TBC1D8B: variants seen among roughly 807,000 people sequenced by gnomAD.
TBC1D8B encodes RP11-321G1.1.
A neutral mutation model predicts 82.9 loss-of-function variants in TBC1D8B; 75 were observed. That is an observed-to-expected ratio of 0.90 (90% CI 0.75 to 1.10). The LOEUF is 1.10. Ranked by LOEUF, TBC1D8B falls within the 50% of genes least tolerant of loss-of-function variation. The pLI is 0.00. For missense variants in TBC1D8B, 794 were observed against 796.9 expected, an observed-to-expected ratio of 1.00 and a Z score of 0.04; for synonymous variants, 276 against 276.8, an observed-to-expected ratio of 1.00 and a Z score of 0.03.
intron 1 of TBC1D8B, among the ~76,000 whole-genome samples, chrX:106,806,194 C>T (rs902876060): frequency 8.9e-6 from 1 of 112,115 alleles, no homozygotes; most frequent in African/African-American, 3.2e-5. Context: ...ATTGTTGAAA[C>T]ACTTCTAGTG....
chrX:106,817,416 G>A (rs865881970), intron 1 of TBC1D8B, among the ~76,000 whole-genome samples: 7 of 111,274 alleles, frequency 6.3e-5, no homozygotes, highest in South Asian at 3.8e-4. Context: ...TCCAAAATCC[G>A]AAACATTGAT....
intron 10 of TBC1D8B, among the ~76,000 whole-genome samples, chrX:106,847,060 C>T (rs917463187): frequency 8.9e-6 from 1 of 111,738 alleles, no homozygotes; most frequent in African/African-American, 3.2e-5. Context: ...AATATGAAGT[C>T]TTTTAAAAAT....
intron 10 of TBC1D8B, among the ~76,000 whole-genome samples, chrX:106,847,936 G>A (rs910508123): frequency 2.7e-5 from 3 of 111,583 alleles, no homozygotes; most frequent in Non-Finnish European, 5.7e-5. Context: ...TGCTTATTAT[G>A]TTCTGTATTT....
intron 7 of TBC1D8B, among the ~76,000 whole-genome samples, chrX:106,833,755 T>A (rs73247963): frequency 0.026 from 2,919 of 111,214 alleles, 51 homozygotes; most frequent in Non-Finnish European, 0.041. Flanking sequence ...CTTAAGAGGT[T>A]ATTTTTTTCC....
chrX:106,812,699 T>C (rs781130637), intron 1 of TBC1D8B, among the ~76,000 whole-genome samples: 1 of 111,504 alleles, frequency 9.0e-6, no homozygotes, highest in African/African-American at 3.3e-5. Context: ...CTGTTCATCA[T>C]TACCATTGAC....
At chrX:106,861,797 A>G (rs1258081649) in intron 14 of TBC1D8B, among the ~76,000 whole-genome samples, 1 of 111,896 alleles carries the variant, frequency 8.9e-6, no homozygotes, top group Non-Finnish European at 1.9e-5. Flanking sequence ...TTAGCTGATT[A>G]TTATGCAAAA....
At position 106,813,375 on chromosome X, in the gene TBC1D8B, G is replaced by A. The variant is rs376669298; in HGVS notation, c.131-5288G>A. Among the ~76,000 whole-genome samples the A allele has an allele frequency of 1.5e-3, 173 of 111,847 alleles. 1 individual carries two copies. The highest frequency in any genetic ancestry group is 5.2e-3 in the African/African-American group (160 of 30,806). On this transcript the variant is annotated intron_variant, in intron 1 of 20. Coordinates refer to ENST00000357242, the MANE Select transcript of TBC1D8B (RefSeq NM_017752.3). The stretch of plus-strand genomic sequence containing the variant: ...TGACTAGAAATGTAGTCTAGCACTA[G>A]TTTCCAAATTATTTCTTGCATAGTT...
At position 106,874,180 on chromosome X, in the gene TBC1D8B, A is replaced by C; in HGVS notation, c.*215A>C. The C allele has an allele frequency of 3.3e-6, 1 of 300,156 alleles. No individual in the cohort carries two copies. 24.7% of individuals were successfully genotyped at this position (300,156 alleles called of 1,213,427 possible). ...ACAAACAAACAAAACAAAAAAGCAA[A>C]CCACATTTGTTATCTCAAATTTTGA... On this transcript the variant is annotated 3_prime_UTR_variant, in exon 21 of 21. Coordinates refer to ENST00000357242, the MANE Select transcript of TBC1D8B (RefSeq NM_017752.3).
intron 1 of TBC1D8B, among the ~76,000 whole-genome samples, chrX:106,807,557 A>G (rs2147716757): frequency 9.1e-6 from 1 of 109,675 alleles, no homozygotes; most frequent in African/African-American, 3.3e-5. Context: ...AATGAAAGAA[A>G]AAACAAGACT....
chrX:106,829,316 A>G (rs1251939715), intron 7 of TBC1D8B: 5 of 106,882 alleles, frequency 4.7e-5, no homozygotes, highest in African/African-American at 1.9e-4. Context: ...ATAGAAGAAA[A>G]TTCCATGCTC....
intron 14 of TBC1D8B, among the ~76,000 whole-genome samples, chrX:106,861,902 C>T (rs1932778718): frequency 8.9e-6 from 1 of 112,061 alleles, no homozygotes; most frequent in Admixed American, 9.5e-5. Context: ...ATATTTAGCA[C>T]TCCTTTCAAG....
At chrX:106,844,946 C>T (rs1218324131) in intron 10 of TBC1D8B, among the ~76,000 whole-genome samples, 2 of 110,874 alleles carry the variant, frequency 1.8e-5, no homozygotes, top group Non-Finnish European at 3.8e-5. Context: ...ATTTTAGTTT[C>T]AGTAGTTTGT....
rs1449574816 is a variant in TBC1D8B, at chrX:106,876,016, T to G, written c.*2051T>G. Reference sequence around the variant, plus strand: ...GCTATCTTGTTAACCAAACAGGTTGTTCATAATATTAAAAATCTTACGTAG... The same window carrying G: ...GCTATCTTGTTAACCAAACAGGTTGGTCATAATATTAAAAATCTTACGTAG... On this transcript the variant is annotated 3_prime_UTR_variant, in exon 21 of 21. Coordinates refer to ENST00000357242, the MANE Select transcript of TBC1D8B (RefSeq NM_017752.3). The G allele has an allele frequency of 8.9e-6, 1 of 111,849 alleles. No individual in the cohort carries two copies. The allele number at this position is 111,849 out of a possible 1,213,427, so 9.2% of individuals were successfully genotyped here. A position where few individuals can be genotyped will look rare whatever the true frequency, so the allele number is the denominator to read the frequency against.
At chrX:106,842,328 G>A (rs1362368545) in intron 10 of TBC1D8B, among the ~76,000 whole-genome samples, 1 of 110,658 alleles carries the variant, frequency 9.0e-6, no homozygotes, top group Non-Finnish European at 1.9e-5. Context: ...ACTTAATATT[G>A]ACTTCTAAAA....
chrX:106,837,369 A>T (rs1466325753), intron 7 of TBC1D8B, among the ~76,000 whole-genome samples: 3 of 111,967 alleles, frequency 2.7e-5, no homozygotes, highest in Non-Finnish European at 5.6e-5. Flanking sequence ...ACCCAATTTT[A>T]AAAATGGTTA....
intron 1 of TBC1D8B, among the ~76,000 whole-genome samples, chrX:106,804,095 G>A (rs1931115803): frequency 1.8e-5 from 2 of 111,804 alleles, no homozygotes; most frequent in Admixed American, 1.9e-4. Flanking sequence ...ATCTGGATAA[G>A]AAGGGTGGGA....
intron 12 of TBC1D8B, 62 bp downstream of exon 12, chrX:106,850,372 C>T: frequency 9.5e-7 from 1 of 1,055,010 alleles, no homozygotes; most frequent in Non-Finnish European, 1.2e-6. Flanking sequence ...TTGTTCAATC[C>T]CCTATTTTAC....
chrX:106,842,642 TCTA>T (rs1462904633), intron 10 of TBC1D8B, among the ~76,000 whole-genome samples: 3 of 103,900 alleles, frequency 2.9e-5, no homozygotes, highest in Non-Finnish European at 5.7e-5. Flanking sequence ...TATCTATCTA[TCTA>T]TCTATCTATT....
chrX:106,827,438 C>T, intron 7 of TBC1D8B, 101 bp downstream of exon 7: 1 of 919,530 alleles, frequency 1.1e-6, no homozygotes, highest in South Asian at 2.5e-5. Context: ...CTATTTATGC[C>T]CAGGGGTTTT....
Sources: allele counts gnomAD v4.1 joint callset (sites outside exome capture counted in the v4.1 genomes callset), GRCh38; gene constraint gnomAD v4.1.1; transcripts MANE v1.5; gene names NCBI Gene and HGNC (gene_info 2026-07-23, HGNC 2026-07-21).